The following ST8SIA2 variants were observed in gnomAD, a reference collection of about 807,000 sequenced individuals.
ST8SIA2 encodes the protein alpha-2,8-sialyltransferase 8B.
A neutral mutation model predicts 37.6 loss-of-function variants in ST8SIA2; 22 were observed. The ratio of observed to expected loss-of-function variants is 0.58; its 90% CI spans 0.42 to 0.83. The LOEUF (loss-of-function observed/expected upper bound fraction) is 0.83, where lower values mean the gene tolerates loss of function less well. Among genes scored for constraint, ST8SIA2 ranks in the 40% least tolerant of loss-of-function variants. The probability of loss-of-function intolerance (pLI) is 0.00; values close to 1 mark genes in which losing one functional copy is unlikely to be tolerated. For missense variants in ST8SIA2, 382 were observed against 484.7 expected (o/e 0.79, Z 1.99); for synonymous variants, 205 against 201.2 (o/e 1.02, Z -0.16).
intron 1 of ST8SIA2, 25 bp downstream of exon 1, chr15:92,394,187 G>A (rs1034064841): frequency 6.5e-7 from 1 of 1,540,898 alleles, no homozygotes; most frequent in South Asian, 1.2e-5. Context: ...CCAGGCCCGT[G>A]CCACGAGCCC....
intron 5 of ST8SIA2, among the ~76,000 whole-genome samples, chr15:92,452,690 T>C (rs927150427): frequency 1.2e-4 from 18 of 152,208 alleles, no homozygotes; most frequent in African/African-American, 4.3e-4. Flanking sequence ...CAGGGATTAG[T>C]ATAGTCATTT....
chr15:92,405,807 A>T (rs2141803460), intron 1 of ST8SIA2, among the ~76,000 whole-genome samples: 1 of 152,294 alleles, frequency 6.6e-6, no homozygotes, highest in Admixed American at 6.5e-5. Context: ...TGGAAAGTGC[A>T]AGCATACTTT....
At chr15:92,442,781 T>C (rs569211759) in intron 4 of ST8SIA2, among the ~76,000 whole-genome samples, 34 of 152,288 alleles carry the variant, frequency 2.2e-4, no homozygotes, top group African/African-American at 7.5e-4. Context: ...CAGTCAAAGA[T>C]AGCAAGGCCT....
chr15:92,441,526 G>A (rs989657157), intron 4 of ST8SIA2, among the ~76,000 whole-genome samples: 5 of 152,054 alleles, frequency 3.3e-5, no homozygotes, highest in African/African-American at 1.2e-4. Flanking sequence ...GGGATCGTGT[G>A]TGCAGAGTAT....
chr15:92,442,616 C>A (rs1300340783), intron 4 of ST8SIA2, among the ~76,000 whole-genome samples: 1 of 152,118 alleles, frequency 6.6e-6, no homozygotes, highest in African/African-American at 2.4e-5. Context: ...AAGCCTGGCT[C>A]AGCCGGGTTT....
Position 92,454,923 on chromosome 15 carries a change from C to A in ST8SIA2, c.843-9177C>A, listed in dbSNP as rs1212616700. Reference sequence around the variant, plus strand: ...CCCACAGAGACGGTGGCCCCTCAGGCAGGAAAGCAGCCCTGGGTGCAGACA... The same window carrying A: ...CCCACAGAGACGGTGGCCCCTCAGGAAGGAAAGCAGCCCTGGGTGCAGACA... On this transcript the variant is annotated intron_variant, in intron 5 of 5. Transcript: ENST00000268164. 4.6e-5 allele frequency among the ~76,000 whole-genome samples: 7 copies of A among 152,146 alleles called. 1 individual carries two copies. In the South Asian group the frequency reaches 1.5e-3, roughly 32 times the overall value.
chr15:92,430,059 G>A lies in ST8SIA2; in HGVS notation c.109G>A (p.Gly37Ser), dbSNP rs781153206. 2.1e-5 allele frequency: 34 copies of A among 1,614,042 alleles called. 1 individual carries two copies. In the South Asian group the frequency reaches 3.4e-4, roughly 16 times the overall value. ...TCCTTTGTCTTGCAGGAATTCGGGAGGCAGAGGTACAATCAGATCAGCTGT... is the reference window on the plus strand; with the variant it reads ...TCCTTTGTCTTGCAGGAATTCGGGAAGCAGAGGTACAATCAGATCAGCTGT... ...EIEEEIGNSG[G>S]RGTIRSAVNS... Residue 37 changes from glycine (G) to serine (S), a missense_variant, in exon 2 of 6, where the codon GGC becomes AGC. Coordinates refer to ENST00000268164, the MANE Select transcript of ST8SIA2 (RefSeq NM_006011.4).
chr15:92,403,143 T>G (rs568645745), intron 1 of ST8SIA2, among the ~76,000 whole-genome samples: 1 of 152,234 alleles, frequency 6.6e-6, no homozygotes, highest in Admixed American at 6.5e-5. Flanking sequence ...TCACTCAACC[T>G]TCCCAAGCAC....
intron 5 of ST8SIA2, among the ~76,000 whole-genome samples, chr15:92,451,159 C>T (rs2049878952): frequency 6.6e-6 from 1 of 152,192 alleles, no homozygotes; most frequent in Admixed American, 6.5e-5. Context: ...GGCCACCCAG[C>T]ATCTAAGTGG....
chr15:92,454,026 G>A (rs146311224), intron 5 of ST8SIA2, among the ~76,000 whole-genome samples: 120 of 152,280 alleles, frequency 7.9e-4, no homozygotes, highest in Non-Finnish European at 2.9e-4. Context: ...AGGCAGCAGC[G>A]AACCCCCCAT....
At chr15:92,418,889 C>T (rs751469999) in intron 1 of ST8SIA2, among the ~76,000 whole-genome samples, 67 of 152,012 alleles carry the variant, frequency 4.4e-4, no homozygotes, top group Non-Finnish European at 7.9e-4. Flanking sequence ...GAGGGGATGA[C>T]GTAAAATAAA....
intron 1 of ST8SIA2, among the ~76,000 whole-genome samples, chr15:92,417,844 C>A (rs1469906500): frequency 6.6e-6 from 1 of 152,142 alleles, no homozygotes. Context: ...CTGGGTCACG[C>A]CTTATCCTTA....
intron 1 of ST8SIA2, among the ~76,000 whole-genome samples, chr15:92,413,591 A>G (rs2049565914): frequency 3.3e-5 from 5 of 152,188 alleles, no homozygotes. Context: ...TTACTGAAGT[A>G]CTGCCCTATT....
chr15:92,407,248 CA>C (rs1362688907), intron 1 of ST8SIA2, among the ~76,000 whole-genome samples: 1 of 152,116 alleles, frequency 6.6e-6, no homozygotes, highest in Non-Finnish European at 1.5e-5. Flanking sequence ...TCCAAGGTGC[CA>C]GGGGTTTAGC....
At chr15:92,438,749 C>G (rs2049779246) in intron 4 of ST8SIA2, 139 bp downstream of exon 4, 1 of 1,246,466 alleles carries the variant, frequency 8.0e-7, no homozygotes, top group Non-Finnish European at 1.1e-6. Context: ...GACTGCTCAT[C>G]AGAATCACTT....
intron 4 of ST8SIA2, among the ~76,000 whole-genome samples, chr15:92,439,382 G>T (rs1226239320): frequency 6.6e-6 from 1 of 152,198 alleles, no homozygotes; most frequent in Non-Finnish European, 1.5e-5. Flanking sequence ...TGCACACAAG[G>T]TTGCCCATGG....
intron 3 of ST8SIA2, among the ~76,000 whole-genome samples, chr15:92,435,152 A>G (rs994614673): frequency 6.6e-6 from 1 of 152,208 alleles, no homozygotes; most frequent in Non-Finnish European, 1.5e-5. Flanking sequence ...TGAATCAGAC[A>G]TGCTAGCTGG....
chr15:92,408,527 C>T (rs1177919369), intron 1 of ST8SIA2, among the ~76,000 whole-genome samples: 1 of 151,942 alleles, frequency 6.6e-6, no homozygotes, highest in Non-Finnish European at 1.5e-5. Flanking sequence ...GGAGTAAGTT[C>T]CTTGAGGGAG....
Position 92,405,168 on chromosome 15 carries a change from A to G in ST8SIA2, c.98+11006A>G, listed in dbSNP as rs76810896. Among the ~76,000 whole-genome samples the G allele has an allele frequency of 7.6e-3, 1,153 of 152,366 alleles. 18 individuals are homozygous for G. The highest frequency in any genetic ancestry group is 0.026 in the African/African-American group (1,101 of 41,584). On this transcript the variant is annotated intron_variant, in intron 1 of 5. Transcript: ENST00000268164. ...TCTTAAAAAGGAAGGAAATTCTGAC[A>G]CAAGCTATAAGATGGGTGAACTTTG...
Sources: gnomAD v4.1 joint callset for allele counts (sites outside exome capture counted in the v4.1 genomes callset) on GRCh38, gnomAD v4.1.1 for gene constraint, MANE v1.5 for transcripts, NCBI Gene and HGNC (gene_info 2026-07-23, HGNC 2026-07-21) for gene names.